CERS6: variants seen among roughly 807,000 people sequenced by gnomAD.
CERS6 encodes the protein ceramide synthase 6, also known as LAG1 homolog, ceramide synthase 6.
In CERS6, 26 loss-of-function variants were observed where a neutral mutation model predicts 56.8. The observed-to-expected ratio is 0.46, with a 90% CI of 0.34 to 0.63. CERS6 has a LOEUF of 0.63. Among genes scored for constraint, CERS6 ranks in the 30% least tolerant of loss-of-function variants. The probability of loss-of-function intolerance (pLI) is 0.01; values close to 1 mark genes in which losing one functional copy is unlikely to be tolerated. For missense variants in CERS6, 415 were observed against 467.5 expected, an observed-to-expected ratio of 0.89 and a Z score of 1.04; for synonymous variants, 164 against 173.3, an observed-to-expected ratio of 0.95 and a Z score of 0.42.
intron 8 of CERS6, among the ~76,000 whole-genome samples, chr2:168,737,413 T>G (rs1683750359): frequency 2.0e-5 from 3 of 152,190 alleles, no homozygotes; most frequent in Admixed American, 2.0e-4. Flanking sequence ...AAATCTGACA[T>G]TTGCTTTTTT....
chr2:168,685,567 A>G (rs951644896), intron 4 of CERS6, among the ~76,000 whole-genome samples: 18 of 152,188 alleles, frequency 1.2e-4, no homozygotes, highest in African/African-American at 4.3e-4. Context: ...AATGCAGCCA[A>G]TAAAAGAAGA....
At chr2:168,500,666 A>G (rs1332602759) in intron 1 of CERS6, among the ~76,000 whole-genome samples, 2 of 152,138 alleles carry the variant, frequency 1.3e-5, no homozygotes, top group Non-Finnish European at 1.5e-5. Context: ...AAAACTATTT[A>G]AAGAATTCAA....
chr2:168,591,832 G>A (rs546975971), intron 3 of CERS6, among the ~76,000 whole-genome samples: 23 of 152,200 alleles, frequency 1.5e-4, no homozygotes, highest in East Asian at 1.9e-4. Context: ...CTCAAACTTC[G>A]TTAGATTTTA....
rs547228481 is a variant in CERS6, at chr2:168,746,143, C to T, written c.846-19449C>T. Among the ~76,000 whole-genome samples the T allele has an allele frequency of 1.2e-3, 181 of 152,258 alleles. 1 individual carries two copies. The highest frequency in any genetic ancestry group is 4.2e-3 in the African/African-American group (173 of 41,550). The stretch of plus-strand genomic sequence containing the variant: ...CCCTCACCACATGGGAGCTATGTGC[C>T]CAGAGAAAGACCAGAGCTGCCCCCT... On this transcript the variant is annotated intron_variant, in intron 8 of 9. Transcript: ENST00000305747.
intron 5 of CERS6, among the ~76,000 whole-genome samples, chr2:168,691,433 G>A (rs147589609): frequency 1.3e-5 from 2 of 152,282 alleles, no homozygotes; most frequent in Admixed American, 6.5e-5. Context: ...GTGCAGACCT[G>A]CCTCAACAGC....
chr2:168,631,570 A>G (rs1161281015), intron 4 of CERS6, among the ~76,000 whole-genome samples: 2 of 119,978 alleles, frequency 1.7e-5, no homozygotes, highest in African/African-American at 6.7e-5. Flanking sequence ...TATATATTAA[A>G]TATAATATAT....
At chr2:168,665,247 G>A (rs1685728729) in intron 4 of CERS6, among the ~76,000 whole-genome samples, 1 of 151,860 alleles carries the variant, frequency 6.6e-6, no homozygotes, top group South Asian at 2.1e-4. Context: ...AGTCTCTTAA[G>A]GTATTTAAAT....
intron 1 of CERS6, among the ~76,000 whole-genome samples, chr2:168,461,143 A>G (rs1428027367): frequency 1.3e-5 from 2 of 152,172 alleles, no homozygotes; most frequent in African/African-American, 4.8e-5. Flanking sequence ...CTTGTAATGA[A>G]GAGACTGATC....
chr2:168,666,743 A>G (rs139481837), intron 4 of CERS6, among the ~76,000 whole-genome samples: 1 of 152,312 alleles, frequency 6.6e-6, no homozygotes, highest in Non-Finnish European at 1.5e-5. Flanking sequence ...GAAGCAGTTT[A>G]AATTTGAGTG....
At chr2:168,480,502 C>T (rs528675156) in intron 1 of CERS6, among the ~76,000 whole-genome samples, 1 of 152,282 alleles carries the variant, frequency 6.6e-6, no homozygotes, top group East Asian at 1.9e-4. Flanking sequence ...GTTAATGACT[C>T]ATCCAAGATC....
At chr2:168,585,225 G>C (rs1265535455) in intron 3 of CERS6, among the ~76,000 whole-genome samples, 1 of 152,226 alleles carries the variant, frequency 6.6e-6, no homozygotes. Context: ...ACCTGCCTGG[G>C]CCCAGATAGA....
At chr2:168,507,700 C>T (rs1694704414) in intron 1 of CERS6, among the ~76,000 whole-genome samples, 1 of 152,090 alleles carries the variant, frequency 6.6e-6, no homozygotes, top group Non-Finnish European at 1.5e-5. Context: ...TCTCTCCACC[C>T]ACATCCAATG....
intron 1 of CERS6, among the ~76,000 whole-genome samples, chr2:168,474,359 T>C (rs1694030303): frequency 6.6e-6 from 1 of 152,154 alleles, no homozygotes; most frequent in Admixed American, 6.6e-5. Flanking sequence ...CATAAAGAAG[T>C]AGAATTGCTG....
chr2:168,637,799 G>A (rs182189593), intron 4 of CERS6, among the ~76,000 whole-genome samples: 1,538 of 152,004 alleles, frequency 0.01, 7 homozygotes, highest in Non-Finnish European at 0.017. Context: ...GTAATGTAAT[G>A]GATAAATCAC....
At chr2:168,555,621 G>A (rs924933164) in intron 2 of CERS6, among the ~76,000 whole-genome samples, 3 of 151,564 alleles carry the variant, frequency 2.0e-5, no homozygotes, top group South Asian at 2.1e-4. Flanking sequence ...ACAAATAAAC[G>A]TTATGATCAA....
intron 2 of CERS6, among the ~76,000 whole-genome samples, chr2:168,555,364 A>C (rs1182763407): frequency 6.6e-6 from 1 of 152,086 alleles, no homozygotes; most frequent in Non-Finnish European, 1.5e-5. Context: ...ATGCTGCAAA[A>C]GTGCTCATTG....
chr2:168,577,192 C>T (rs1683296027), intron 3 of CERS6, among the ~76,000 whole-genome samples: 2 of 152,098 alleles, frequency 1.3e-5, no homozygotes, highest in South Asian at 2.1e-4. Context: ...AGGCTTGAGA[C>T]AGCCTCGTAT....
At chr2:168,550,072 C>T (rs928760663) in intron 2 of CERS6, among the ~76,000 whole-genome samples, 1 of 152,126 alleles carries the variant, frequency 6.6e-6, no homozygotes, top group Non-Finnish European at 1.5e-5. Context: ...AAATGTGGGA[C>T]CCCTTGTTCA....
intron 8 of CERS6, among the ~76,000 whole-genome samples, chr2:168,753,793 C>G (rs1258158098): frequency 6.6e-6 from 1 of 152,198 alleles, no homozygotes; most frequent in Non-Finnish European, 1.5e-5. Flanking sequence ...TATTGTAACA[C>G]TTCCAGTAGA....
Sources: gnomAD v4.1 joint callset for allele counts (sites outside exome capture counted in the v4.1 genomes callset) on GRCh38, gnomAD v4.1.1 for gene constraint, MANE v1.5 for transcripts, NCBI Gene and HGNC (gene_info 2026-07-23, HGNC 2026-07-21) for gene names.